Variants in CPQ observed in about 807,000 individuals in gnomAD.
The protein encoded by CPQ is Ser-Met dipeptidase.
In CPQ, 37 loss-of-function variants were observed where a neutral mutation model predicts 45.7. That is an observed-to-expected ratio of 0.81 (90% confidence interval 0.62 to 1.07). The LOEUF is 1.07. Ranked by LOEUF, CPQ falls within the 50% of genes least tolerant of loss-of-function variation. The probability of loss-of-function intolerance (pLI) is 0.00; values close to 1 mark genes in which losing one functional copy is unlikely to be tolerated. For missense variants in CPQ, 537 were observed against 572.9 expected (o/e 0.94, Z 0.64); for synonymous variants, 186 against 205.8 (o/e 0.90, Z 0.82).
intron 1 of CPQ, among the ~76,000 whole-genome samples, chr8:96,715,129 G>A (rs913239318): frequency 2.0e-5 from 3 of 152,150 alleles, no homozygotes; most frequent in Non-Finnish European, 4.4e-5. Flanking sequence ...CAGGCCAGTA[G>A]GGGAGGTGTC....
rs769332836 is a variant in CPQ at position 97,066,118 on chromosome 8, T to G, written c.1163T>G (p.Val388Gly). The G allele has an allele frequency of 2.5e-6, 4 of 1,612,132 alleles. No homozygotes were observed. The highest frequency in any genetic ancestry group is 3.4e-6 in the Non-Finnish European group (4 of 1,179,486). Residue 388 changes from valine to glycine, a missense_variant, in exon 7 of 8, where the codon GTT becomes GGT. Physicochemically the swap from Val to Gly is moderately radical, Grantham distance 109. Coordinates refer to ENST00000220763, the MANE Select transcript of CPQ (RefSeq NM_016134.4). ...AAGGCCAGGGCCATCATGGAGGAGG[T>G]TATGAGCCTGCTGCAGCCCCTCAAT... ...SEKARAIMEE[V>G]MSLLQPLNIT...
At chr8:96,718,939 T>C (rs1000012863) in intron 1 of CPQ, among the ~76,000 whole-genome samples, 1 of 152,044 alleles carries the variant, frequency 6.6e-6, no homozygotes, top group Non-Finnish European at 1.5e-5. Context: ...AGATACAGAG[T>C]GCCGATTGCT....
chr8:97,060,081 A>G (rs986787977), intron 6 of CPQ, among the ~76,000 whole-genome samples: 1 of 152,156 alleles, frequency 6.6e-6, no homozygotes, highest in Non-Finnish European at 1.5e-5. Flanking sequence ...CTAGGTTATG[A>G]GAAGATAAAA....
At chr8:97,028,602 A>G (rs1354747957) in intron 5 of CPQ, among the ~76,000 whole-genome samples, 2 of 152,238 alleles carry the variant, frequency 1.3e-5, no homozygotes, top group African/African-American at 2.4e-5. Context: ...CACTTTTGGC[A>G]TACTCTCACC....
chr8:96,815,528 AAGAG>A (rs1811216662), intron 2 of CPQ, among the ~76,000 whole-genome samples: 1 of 151,938 alleles, frequency 6.6e-6, no homozygotes, highest in Non-Finnish European at 1.5e-5. Context: ...GAAAGAAAGA[AAGAG>A]AAAGAAAGAC....
chr8:96,650,182 G>T (rs1815562077), intron 1 of CPQ, among the ~76,000 whole-genome samples: 1 of 152,186 alleles, frequency 6.6e-6, no homozygotes, highest in African/African-American at 2.4e-5. Context: ...CAGAGGGCTT[G>T]ATCTCATTTT....
At chr8:96,957,982 A>G (rs909431736) in intron 4 of CPQ, among the ~76,000 whole-genome samples, 5 of 149,388 alleles carry the variant, frequency 3.3e-5, no homozygotes, top group African/African-American at 1.0e-4. Context: ...AGCTGGGACT[A>G]TAGACGTGCA....
At chr8:97,079,595 G>C (rs557427992) in intron 7 of CPQ, among the ~76,000 whole-genome samples, 19 of 152,124 alleles carry the variant, frequency 1.2e-4, no homozygotes, top group Non-Finnish European at 2.4e-4. Context: ...TTTTACTCCC[G>C]TGTCACATAT....
chr8:96,774,979 T>A (rs556687190), intron 1 of CPQ, among the ~76,000 whole-genome samples: 1 of 152,306 alleles, frequency 6.6e-6, no homozygotes, highest in African/African-American at 2.4e-5. Context: ...AAGTTGGTGA[T>A]GCTGGTATTG....
At chr8:96,768,852 G>T (rs1450056438) in intron 1 of CPQ, among the ~76,000 whole-genome samples, 1 of 152,116 alleles carries the variant, frequency 6.6e-6, no homozygotes. Context: ...AAACTGAAAG[G>T]CATAATCCAA....
chr8:96,939,230 A>G (rs1481562044), intron 4 of CPQ, among the ~76,000 whole-genome samples: 1 of 152,204 alleles, frequency 6.6e-6, no homozygotes, highest in Non-Finnish European at 1.5e-5. Flanking sequence ...ATTAGTTAGA[A>G]TTACCTAAGG....
chr8:97,086,234 C>A (rs568374049), intron 7 of CPQ, among the ~76,000 whole-genome samples: 4 of 152,084 alleles, frequency 2.6e-5, no homozygotes, highest in Non-Finnish European at 4.4e-5. Context: ...TTTTGCTGCA[C>A]GCTTAAATAA....
chr8:96,676,086 A>G (rs1809073279), intron 1 of CPQ, among the ~76,000 whole-genome samples: 1 of 152,012 alleles, frequency 6.6e-6, no homozygotes, highest in South Asian at 2.1e-4. Flanking sequence ...TGGGATATTT[A>G]GGATATCTAT....
intron 7 of CPQ, among the ~76,000 whole-genome samples, chr8:97,089,259 AG>A (rs1811092198): frequency 6.7e-5 from 10 of 149,244 alleles, no homozygotes; most frequent in African/African-American, 2.0e-4. Flanking sequence ...AAAAAAAAAA[AG>A]AGAAAAGAAA....
rs116344856 is a variant in CPQ, at chr8:96,990,053, A to G, written c.961+24007A>G. Among the ~76,000 whole-genome samples the G allele has an allele frequency of 5.8e-3, 877 of 152,030 alleles. 12 individuals are homozygous for G. The highest frequency in any genetic ancestry group is 0.02 in the African/African-American group (833 of 41,472). ...GGGCCTCCTTGCTGTGTCCTCCTCA[A>G]ACCACCCTCACTCCCACCTCTGAAC... On this transcript the variant is annotated intron_variant, in intron 5 of 7. Coordinates refer to ENST00000220763, the MANE Select transcript of CPQ (RefSeq NM_016134.4).
chr8:96,801,764 A>T (rs532310506), intron 2 of CPQ, among the ~76,000 whole-genome samples: 9 of 152,160 alleles, frequency 5.9e-5, no homozygotes, highest in African/African-American at 2.2e-4. Context: ...TTTAATAAAC[A>T]CCCCATTCCA....
intron 3 of CPQ, among the ~76,000 whole-genome samples, chr8:96,872,174 C>A (rs1456863330): frequency 6.6e-6 from 1 of 151,812 alleles, no homozygotes; most frequent in Non-Finnish European, 1.5e-5. Context: ...AGGGATGGGA[C>A]CCAAGTCTTA....
At chr8:97,138,890 A>G (rs1005445794) in intron 7 of CPQ, among the ~76,000 whole-genome samples, 2 of 152,126 alleles carry the variant, frequency 1.3e-5, no homozygotes, top group Non-Finnish European at 1.5e-5. Flanking sequence ...TCCAAACTAT[A>G]GAGTTGGAGG....
chr8:96,646,980 G>A (rs1156802850), intron 1 of CPQ, among the ~76,000 whole-genome samples: 1 of 152,146 alleles, frequency 6.6e-6, no homozygotes, highest in Admixed American at 6.5e-5. Context: ...ACAGGCTCCT[G>A]GTCCTGGGTC....
Sources: gnomAD v4.1 joint callset for allele counts (sites outside exome capture counted in the v4.1 genomes callset) on GRCh38, gnomAD v4.1.1 for gene constraint, MANE v1.5 for transcripts, NCBI Gene and HGNC (gene_info 2026-07-23, HGNC 2026-07-21) for gene names.